Variants in GORASP1 observed in about 807,000 individuals in gnomAD.
The protein encoded by GORASP1 is golgi reassembly stacking protein 1.
Under a neutral mutation model 37.7 loss-of-function variants are expected in GORASP1, and 31 were observed. The observed-to-expected ratio is 0.82, with a 90% CI of 0.62 to 1.11. The LOEUF (loss-of-function observed/expected upper bound fraction) is 1.11. Ranked by LOEUF, GORASP1 falls within the 50% of genes least tolerant of loss-of-function variation. GORASP1 has a pLI of 0.00. For missense variants in GORASP1, 476 were observed against 560.7 expected (o/e 0.85, Z 1.53); for synonymous variants, 204 against 224.8 (o/e 0.91, Z 0.83).
intron 1 of GORASP1, 40 bp downstream of exon 1, chr3:39,107,417 ACGCCCGGGCGCGGGGTTGCGGG>A: frequency 1.8e-6 from 2 of 1,103,076 alleles, no homozygotes; most frequent in Admixed American, 4.3e-5. Context: ...CGGCGACCGG[ACGCCCGGGCGCGGGGTTGCGGG>A]CGCCTCGCCA....
At chr3:39,107,244 G>A (rs1575475497) in intron 1 of GORASP1, 2 of 529,494 alleles carry the variant, frequency 3.8e-6, no homozygotes, top group East Asian at 3.9e-5. Flanking sequence ...GGCACTGCTG[G>A]CACTTGGGGC....
chr3:39,107,519 T>C lies in GORASP1; in HGVS notation c.23A>G (p.Glu8Gly), dbSNP rs780936498. The change falls in exon 1 of 9, where the codon GAG (glutamate) becomes GGG (glycine). Residue 8 changes from glutamate to glycine, a missense_variant. Coordinates refer to ENST00000319283, the MANE Select transcript of GORASP1 (RefSeq NM_031899.4). Reference protein sequence around the residue: MGLGVSAEQPAGGAEGFH... With the variant: MGLGVSAGQPAGGAEGFH... Reference sequence around the variant, plus strand: ...GCCCTCGGCGCCGCCTGCGGGCTGCTCAGCGCTGACGCCCAGGCCCATGGC... The same window carrying C: ...GCCCTCGGCGCCGCCTGCGGGCTGCCCAGCGCTGACGCCCAGGCCCATGGC... 6.7e-7 allele frequency: 1 copy of C among 1,496,538 alleles called. No individual in the cohort carries two copies. Among genetic ancestry groups the C allele is most frequent in the South Asian group, 1.3e-5 (1 of 78,846 alleles). 92.7% of individuals were successfully genotyped at this position (1,496,538 alleles called of 1,614,324 possible). A position where few individuals can be genotyped will look rare whatever the true frequency, so the allele number is the denominator to read the frequency against.
intron 1 of GORASP1, among the ~76,000 whole-genome samples, chr3:39,106,023 T>A (rs146854026): frequency 2.4e-4 from 36 of 152,294 alleles, no homozygotes; most frequent in African/African-American, 8.4e-4. Flanking sequence ...TCCTGACCAC[T>A]CTATCAAAAA....
In GORASP1 at chr3:39,103,732, C is replaced by CA; in HGVS notation, c.64-180dup. ...TGGCCTCTTGCTACCTTCCTGGGCACAAATTTTCCTCTTAGGAAAATGGCT... is the reference window on the plus strand; with the variant it reads ...TGGCCTCTTGCTACCTTCCTGGGCACAAAATTTTCCTCTTAGGAAAATGGCT... On this transcript the variant is annotated intron_variant, in intron 1 of 8. Coordinates refer to ENST00000319283, the MANE Select transcript of GORASP1 (RefSeq NM_031899.4). The surrounding 1 kb of genome is among the most constrained non-coding windows in gnomAD (Gnocchi z 5.2). The CA allele has an allele frequency of 2.0e-6, 1 of 496,926 alleles. No individual in the cohort carries two copies. The highest frequency in any genetic ancestry group is 3.5e-6 in the Non-Finnish European group (1 of 282,084). The allele number at this position is 496,926 out of a possible 1,614,324, so 30.8% of individuals were successfully genotyped here. A position where few individuals can be genotyped will look rare whatever the true frequency, so the allele number is the denominator to read the frequency against.
chr3:39,100,573 C>A lies in GORASP1; in HGVS notation c.567-70G>T, dbSNP rs1245802167. On this transcript the variant is annotated intron_variant, in intron 5 of 8. Transcript: ENST00000319283. The surrounding 1 kb of genome is among the most constrained non-coding windows in gnomAD (Gnocchi z 4.6). ...CCCTCCCTACCTTTGCTATCCCCAC[C>A]TACTACCAGCAATAAGGGGGCTGAA... The A allele has an allele frequency of 6.7e-7, 1 of 1,489,294 alleles. No individual in the cohort carries two copies. The highest frequency in any genetic ancestry group is 9.0e-7 in the Non-Finnish European group (1 of 1,107,540). The allele number at this position is 1,489,294 out of a possible 1,614,324, so 92.3% of individuals were successfully genotyped here.
intron 7 of GORASP1, 146 bp downstream of exon 7, chr3:39,099,207 T>C (rs1299468365): frequency 7.2e-6 from 7 of 969,302 alleles, no homozygotes; most frequent in Non-Finnish European, 1.1e-5. Flanking sequence ...CCCATCTGTA[T>C]ACTAGATTGG....
Position 39,103,012 on chromosome 3 carries a change from G to T in GORASP1, c.145-131C>A. 1 of 861,752 alleles carries T rather than the reference G, an allele frequency of 1.2e-6. No individual in the cohort carries two copies. 53.4% of individuals were successfully genotyped at this position (861,752 alleles called of 1,614,324 possible). ...CTCAGCAGGGTCACTGTGGGGATGG[G>T]CCAAGGTAGTGGATGGGCCAGGTTC... On this transcript the variant is annotated intron_variant, in intron 2 of 8. Transcript: ENST00000319283. This position sits in a 1 kb window ranked among gnomAD's most constrained non-coding sequence, Gnocchi z 5.2.
At position 39,105,655 on chromosome 3, in the gene GORASP1, A is replaced by G. The variant is rs1000691482; in HGVS notation, c.63+1824T>C. Among the ~76,000 whole-genome samples the G allele has an allele frequency of 1.3e-5, 2 of 152,172 alleles. No individual in the cohort carries two copies. Among genetic ancestry groups the G allele is most frequent in the Non-Finnish European group, 2.9e-5 (2 of 68,024 alleles). On this transcript the variant is annotated intron_variant, in intron 1 of 8. Transcript: ENST00000319283. This position sits in a 1 kb window ranked among gnomAD's most constrained non-coding sequence, Gnocchi z 5.4. ...GTATTGGGCACGCAGCGAGGTGCCA[A>G]TATTTCTAGAATGCAGCACAGCTGT... is the stretch of plus-strand genomic sequence containing the variant.
At position 39,097,961 on chromosome 3, in the gene GORASP1, C is replaced by G. The variant is rs941796563; in HGVS notation, c.*275G>C. On this transcript the variant is annotated 3_prime_UTR_variant, in exon 9 of 9. Coordinates refer to ENST00000319283, the MANE Select transcript of GORASP1 (RefSeq NM_031899.4). The stretch of plus-strand genomic sequence containing the variant: ...CCAGGCCAACACTGGACAGCAACCC[C>G]TTCCTTCCTCACCTCATCTTCACAC... 8 of 480,988 alleles carry G rather than the reference C, an allele frequency of 1.7e-5. No homozygotes were observed. The highest frequency in any genetic ancestry group is 3.0e-5 in the Non-Finnish European group (8 of 266,238). The allele number at this position is 480,988 out of a possible 1,614,324, so 29.8% of individuals were successfully genotyped here.
rs776435151 is a variant in GORASP1, at chr3:39,107,625, C to A, written c.-84G>T. 6.6e-5 allele frequency: 90 copies of A among 1,358,416 alleles called. No homozygotes were observed. The highest frequency in any genetic ancestry group is 8.4e-5 in the Non-Finnish European group (84 of 1,003,702). 84.1% of individuals were successfully genotyped at this position (1,358,416 alleles called of 1,614,324 possible). A position where few individuals can be genotyped will look rare whatever the true frequency, so the allele number is the denominator to read the frequency against. ...GACGCCAGTAGCACCGACTCGCTCTCTCGGCGCTCGATTCCTGCGCCTTGT... is the reference window on the plus strand; with the variant it reads ...GACGCCAGTAGCACCGACTCGCTCTATCGGCGCTCGATTCCTGCGCCTTGT... On this transcript the variant is annotated 5_prime_UTR_variant, in exon 1 of 9. Coordinates refer to ENST00000319283, the MANE Select transcript of GORASP1 (RefSeq NM_031899.4).
intron 6 of GORASP1, among the ~76,000 whole-genome samples, chr3:39,099,766 T>C (rs2035578311): frequency 6.6e-6 from 1 of 152,182 alleles, no homozygotes; most frequent in South Asian, 2.1e-4. Context: ...GGTGCCCACC[T>C]GGCCCCAACA....
intron 7 of GORASP1, chr3:39,099,107 G>A: frequency 1.3e-6 from 1 of 780,364 alleles, no homozygotes; most frequent in Non-Finnish European, 2.2e-6. Context: ...CATGTGAATA[G>A]CACAGTGGCA....
At position 39,098,511 on chromosome 3, in the gene GORASP1, T is replaced by C. The variant is rs1327166532; in HGVS notation, c.1070-22A>G. The C allele has an allele frequency of 6.3e-7, 1 of 1,599,160 alleles. No individual in the cohort carries two copies. Among genetic ancestry groups the C allele is most frequent in the East Asian group, 2.2e-5 (1 of 44,736 alleles). On this transcript the variant is annotated intron_variant, in intron 8 of 8. Transcript: ENST00000319283. This position sits in a 1 kb window ranked among gnomAD's most constrained non-coding sequence, Gnocchi z 4.7. ...TCACCTGCAACACAGAAGATCAGGC[T>C]GAGGAGGTCTGCAAGAACCTAGGGC...
chr3:39,099,794 CA>C (rs2035580773), intron 6 of GORASP1, among the ~76,000 whole-genome samples: 1 of 152,190 alleles, frequency 6.6e-6, no homozygotes, highest in African/African-American at 2.4e-5. Context: ...TTTGCCCCAT[CA>C]ATGACTCATT....
Position 39,103,538 on chromosome 3 carries a change from G to C in GORASP1, c.79C>G (p.Pro27Ala), listed in dbSNP as rs2035853658. ...FHLHGVQENS[P>A]AQQAGLEPYF... The stretch of plus-strand genomic sequence containing the variant: ...GGCTCCAGGCCCGCCTGCTGGGCTG[G>C]GGAGTTCTCCTGCACCTATCCCACA... Residue 27 changes from proline (P) to alanine (A), a missense_variant, in exon 2 of 9, where the codon CCA becomes GCA. Pro to Ala is a conservative substitution (Grantham distance 27). Transcript: ENST00000319283. This position sits in a 1 kb window ranked among gnomAD's most constrained non-coding sequence, Gnocchi z 5.2. 2 of 1,613,138 alleles carry C rather than the reference G, an allele frequency of 1.2e-6. No homozygotes were observed. Among genetic ancestry groups the C allele is most frequent in the Admixed American group, 3.3e-5 (2 of 59,948 alleles).
Position 39,107,603 on chromosome 3 carries a change from G to T in GORASP1, c.-62C>A, listed in dbSNP as rs1262259430. On this transcript the variant is annotated 5_prime_UTR_variant, in exon 1 of 9. Transcript: ENST00000319283. ...CTGCGCCTACCCGGACCGACCCGAC[G>T]CCAGTAGCACCGACTCGCTCTCTCG... The T allele has an allele frequency of 1.4e-6, 2 of 1,408,642 alleles. No individual in the cohort carries two copies. Among genetic ancestry groups the T allele is most frequent in the Non-Finnish European group, 1.9e-6 (2 of 1,057,428 alleles). 87.3% of individuals were successfully genotyped at this position (1,408,642 alleles called of 1,614,324 possible).
chr3:39,103,263 G>A lies in GORASP1; in HGVS notation c.144+210C>T. The stretch of plus-strand genomic sequence containing the variant: ...TGTTGCCACCTCCAAGAGGCCATAT[G>A]TCCTCTGTCCACCCCACAGAGCTCA... On this transcript the variant is annotated intron_variant, in intron 2 of 8. Transcript: ENST00000319283. The surrounding 1 kb of genome is among the most constrained non-coding windows in gnomAD (Gnocchi z 5.2). 1.7e-6 allele frequency: 1 copy of A among 592,018 alleles called. No homozygotes were observed. Among genetic ancestry groups the A allele is most frequent in the Non-Finnish European group, 3.0e-6 (1 of 333,394 alleles). 36.7% of individuals were successfully genotyped at this position (592,018 alleles called of 1,614,324 possible).
intron 1 of GORASP1, among the ~76,000 whole-genome samples, chr3:39,104,147 C>A (rs1388871295): frequency 6.6e-6 from 1 of 152,186 alleles, no homozygotes; most frequent in Non-Finnish European, 1.5e-5. Context: ...TAGAACTAGG[C>A]CTGAGCCAGG....
chr3:39,100,660 C>T lies in GORASP1; in HGVS notation c.566+87G>A, dbSNP rs1196224290. On this transcript the variant is annotated intron_variant, in intron 5 of 8. Coordinates refer to ENST00000319283, the MANE Select transcript of GORASP1 (RefSeq NM_031899.4). This position sits in a 1 kb window ranked among gnomAD's most constrained non-coding sequence, Gnocchi z 4.6. The stretch of plus-strand genomic sequence containing the variant: ...CCTGGGCCCAGGGCCCAACCCTCCT[C>T]CATCTCCACCATAGAACTCTGAGGT... The T allele has an allele frequency of 1.9e-6, 3 of 1,544,662 alleles. No homozygotes were observed. The South Asian group carries it at 3.6e-5, about 19-fold the overall frequency.
Sources: allele counts gnomAD v4.1 joint callset (sites outside exome capture counted in the v4.1 genomes callset), GRCh38; gene constraint gnomAD v4.1.1; non-coding constraint Gnocchi (gnomAD v3.1); transcripts MANE v1.5; gene names NCBI Gene and HGNC (gene_info 2026-07-23, HGNC 2026-07-21).